Variants in HS2ST1 observed in about 807,000 individuals in gnomAD.
The protein encoded by HS2ST1 is heparan sulfate 2-O-sulfotransferase 1.
In HS2ST1, 18 loss-of-function variants were observed where a neutral mutation model predicts 42.9. The ratio of observed to expected loss-of-function variants is 0.42; its 90% CI spans 0.29 to 0.62. The LOEUF (loss-of-function observed/expected upper bound fraction) is 0.62, where lower values mean the gene tolerates loss of function less well. Among genes scored for constraint, HS2ST1 ranks in the 20% least tolerant of loss-of-function variants. The pLI is 0.21. For synonymous variants in HS2ST1, 146 were observed against 152.9 expected (o/e 0.95, Z 0.33); for missense variants, 334 against 433.8 (o/e 0.77, Z 2.04).
intron 1 of HS2ST1, among the ~76,000 whole-genome samples, chr1:87,050,159 T>A (rs1267347132): frequency 1.3e-5 from 2 of 151,966 alleles, no homozygotes; most frequent in African/African-American, 4.8e-5. Flanking sequence ...TTTCTTGTGG[T>A]CAGAATATAG....
chr1:86,925,365 A>G (rs1040060862), intron 1 of HS2ST1, among the ~76,000 whole-genome samples: 2 of 152,150 alleles, frequency 1.3e-5, no homozygotes, highest in African/African-American at 2.4e-5. Flanking sequence ...TAGCTTCCAC[A>G]TTTTTGGGTA....
At chr1:87,074,331 A>T (rs539399164) in intron 2 of HS2ST1, among the ~76,000 whole-genome samples, 1 of 152,344 alleles carries the variant, frequency 6.6e-6, no homozygotes, top group East Asian at 1.9e-4. Flanking sequence ...AAGGACAAGT[A>T]TCCTAAATAT....
At chr1:87,015,472 TA>T (rs1649726948) in intron 1 of HS2ST1, among the ~76,000 whole-genome samples, 1 of 150,534 alleles carries the variant, frequency 6.6e-6, no homozygotes, top group Non-Finnish European at 1.5e-5. Flanking sequence ...CTCAGCCTCC[TA>T]GTAGCTGGGA....
chr1:87,031,433 A>T (rs1650235149), intron 1 of HS2ST1, among the ~76,000 whole-genome samples: 1 of 98,680 alleles, frequency 1.0e-5, no homozygotes, highest in Non-Finnish European at 2.3e-5. Flanking sequence ...GATTATTTAT[A>T]AGATTCATTC....
intron 5 of HS2ST1, among the ~76,000 whole-genome samples, chr1:87,099,386 A>G (rs1303315616): frequency 6.6e-6 from 1 of 152,206 alleles, no homozygotes; most frequent in African/African-American, 2.4e-5. Flanking sequence ...GGAGCAAGAA[A>G]GTGGGCAGTA....
chr1:87,051,060 A>G (rs1226780988), intron 1 of HS2ST1, among the ~76,000 whole-genome samples: 3 of 152,206 alleles, frequency 2.0e-5, no homozygotes, highest in East Asian at 1.9e-4. Flanking sequence ...TCTGTCTCCC[A>G]TATGGTTTAA....
At chr1:87,040,915 T>C (rs72955528) in intron 1 of HS2ST1, among the ~76,000 whole-genome samples, 2 of 151,988 alleles carry the variant, frequency 1.3e-5, no homozygotes, top group African/African-American at 4.8e-5. Context: ...TTGGTGTTAC[T>C]GAAGGAAAAA....
chr1:87,091,287 T>G (rs1389680589), intron 3 of HS2ST1, among the ~76,000 whole-genome samples: 1 of 151,754 alleles, frequency 6.6e-6, no homozygotes, highest in Non-Finnish European at 1.5e-5. Context: ...TAAAGAGAAA[T>G]AGAATAAGTA....
chr1:86,939,686 G>T (rs972536884), intron 1 of HS2ST1, among the ~76,000 whole-genome samples: 2 of 152,206 alleles, frequency 1.3e-5, no homozygotes, highest in African/African-American at 2.4e-5. Flanking sequence ...AAGGTTAAGA[G>T]CCTCTAGAGA....
At position 86,915,169 on chromosome 1, in the gene HS2ST1, C is replaced by T; in HGVS notation, c.124+9C>T. The T allele has an allele frequency of 6.2e-7, 1 of 1,611,342 alleles. No homozygotes were observed. Among genetic ancestry groups the T allele is most frequent in the Non-Finnish European group, 8.5e-7 (1 of 1,178,456 alleles). ...GTCCCGCTCGAAGCTAGGTGAGGAACTGAACTGCCCCGGGCTGAGTGCTGT... is the reference window on the plus strand; with the variant it reads ...GTCCCGCTCGAAGCTAGGTGAGGAATTGAACTGCCCCGGGCTGAGTGCTGT... On this transcript the variant is annotated intron_variant, in intron 1 of 6. Transcript: ENST00000370550.
At chr1:87,058,711 C>T (rs1651039496) in intron 1 of HS2ST1, among the ~76,000 whole-genome samples, 2 of 151,476 alleles carry the variant, frequency 1.3e-5, no homozygotes, top group Non-Finnish European at 2.9e-5. Context: ...AGTCTAAATT[C>T]CGTAATGTTA....
At position 86,936,241 on chromosome 1, in the gene HS2ST1, T is replaced by C. The variant is rs530752433; in HGVS notation, c.124+21081T>C. Among the ~76,000 whole-genome samples the C allele has an allele frequency of 1.0e-3, 157 of 152,112 alleles. No individual in the cohort carries two copies. In the South Asian group the frequency reaches 0.01, roughly 10 times the overall value. ...TTTTAAATTATTTTTAAATTTTTTCTCTTCTTTTCAAAGGTACTGATCATT... is the reference window on the plus strand; with the variant it reads ...TTTTAAATTATTTTTAAATTTTTTCCCTTCTTTTCAAAGGTACTGATCATT... On this transcript the variant is annotated intron_variant, in intron 1 of 6. Transcript: ENST00000370550.
chr1:86,940,203 G>C (rs534559527), intron 1 of HS2ST1, among the ~76,000 whole-genome samples: 2 of 151,874 alleles, frequency 1.3e-5, no homozygotes, highest in Non-Finnish European at 2.9e-5. Context: ...GAGATTCCCC[G>C]TCTCTACAAA....
At chr1:87,022,530 A>G (rs1269185251) in intron 1 of HS2ST1, among the ~76,000 whole-genome samples, 2 of 152,198 alleles carry the variant, frequency 1.3e-5, no homozygotes, top group African/African-American at 2.4e-5. Flanking sequence ...TTTAAAATAC[A>G]TGTTAAATGG....
chr1:86,964,027 C>A (rs1373297801), intron 1 of HS2ST1, among the ~76,000 whole-genome samples: 2 of 149,196 alleles, frequency 1.3e-5, no homozygotes, highest in Non-Finnish European at 3.0e-5. Flanking sequence ...CGCTCCTCAC[C>A]TCCCAGACGG....
chr1:87,046,333 T>C, intron 1 of HS2ST1: 1 of 741,450 alleles, frequency 1.3e-6, no homozygotes, highest in Non-Finnish European at 2.5e-6. Flanking sequence ...TCAGAACCTA[T>C]ACATTGCATC....
intron 1 of HS2ST1, among the ~76,000 whole-genome samples, chr1:87,023,337 G>A (rs571588823): frequency 5.4e-4 from 82 of 151,982 alleles, no homozygotes; most frequent in African/African-American, 1.9e-3. Context: ...AAGATCATAA[G>A]CATCCTAAAT....
chr1:86,961,500 G>A (rs1647842882), intron 1 of HS2ST1, among the ~76,000 whole-genome samples: 1 of 152,008 alleles, frequency 6.6e-6, no homozygotes. Context: ...TGAGGGTGGT[G>A]GAAGAGTTTT....
chr1:87,074,774 T>C (rs1651496567), intron 2 of HS2ST1, among the ~76,000 whole-genome samples: 1 of 152,158 alleles, frequency 6.6e-6, no homozygotes, highest in African/African-American at 2.4e-5. Flanking sequence ...AAAAAATGTT[T>C]GTGTGGGGCA....
Sources: gnomAD v4.1 joint callset for allele counts (sites outside exome capture counted in the v4.1 genomes callset) on GRCh38, gnomAD v4.1.1 for gene constraint, MANE v1.5 for transcripts, NCBI Gene and HGNC (gene_info 2026-07-23, HGNC 2026-07-21) for gene names.